SRSF1: variants seen among roughly 807,000 people sequenced by gnomAD.
The protein encoded by SRSF1 is serine and arginine rich splicing factor 1.
Under a neutral mutation model 25.9 loss-of-function variants are expected in SRSF1, and 1 was observed. That is an observed-to-expected ratio of 0.04 (90% CI 0.01 to 0.18). SRSF1 has a LOEUF of 0.18. Among genes scored for constraint, SRSF1 ranks in the 10% least tolerant of loss-of-function variants. SRSF1 has a pLI of 1.00. For synonymous variants in SRSF1, 132 were observed against 126.2 expected (o/e 1.05, Z -0.31); for missense variants, 65 against 350.5 (o/e 0.19, Z 6.50).
rs916383308 is a variant in SRSF1, at chr17:58,006,440, T to C, written c.282A>G (p.Gly94=). The change falls in exon 2 of 4, where the codon GGA becomes GGG. Residue 94 remains glycine, a synonymous_variant. Coordinates refer to ENST00000258962, the MANE Select transcript of SRSF1 (RefSeq NM_006924.5). The part of the protein sequence containing the change: ...LRVEFPRSGR[G]TGRGGGGGGG... ...CACCCCCGCCGCCGCCTCGGCCTGT[T>C]CCACGGCCGCTTCGAGGAAACTCCA... The C allele has an allele frequency of 8.9e-5, 143 of 1,613,134 alleles. No individual in the cohort carries two copies. Among genetic ancestry groups the C allele is most frequent in the Non-Finnish European group, 1.1e-4 (134 of 1,180,022 alleles).
downstream of SRSF1, among the ~76,000 whole-genome samples, chr17:57,998,366 T>C (rs1598057147): frequency 1.3e-5 from 2 of 152,302 alleles, no homozygotes; most frequent in Middle Eastern, 6.8e-3. Flanking sequence ...TATAATCTTA[T>C]GTATTAAGCC....
chr17:57,998,258 T>C (rs570345965), downstream of SRSF1, among the ~76,000 whole-genome samples: 2 of 152,298 alleles, frequency 1.3e-5, no homozygotes, highest in South Asian at 2.1e-4. Context: ...TGTTATTTTA[T>C]AGTTCAAATT....
At chr17:57,995,966 C>A (rs990043127), downstream of SRSF1, among the ~76,000 whole-genome samples, 1 of 152,082 alleles carries the variant, frequency 6.6e-6, no homozygotes, top group Non-Finnish European at 1.5e-5. Context: ...CAGAGCAAGA[C>A]CCTGTCTCTA....
chr17:57,999,354 G>A (rs1567746426), downstream of SRSF1, among the ~76,000 whole-genome samples: 1 of 152,064 alleles, frequency 6.6e-6, no homozygotes, highest in East Asian at 1.9e-4. Flanking sequence ...CACATTCATG[G>A]CCTTATTATT....
In SRSF1 at chr17:58,006,831, GC is replaced by G. The variant is rs1215088933; in HGVS notation, c.194+112del. ...ACTCCTGCATGGGCGATACAGTCTC[GC>G]CCCAACCTCTCTAAGAGCCCCCGCT... On this transcript the variant is annotated intron_variant, in intron 1 of 3. Transcript: ENST00000258962. 15 of 1,307,806 alleles carry G rather than the reference GC, an allele frequency of 1.1e-5. No individual in the cohort carries two copies. In the African/African-American group the frequency reaches 2.1e-4, roughly 18 times the overall value. 81.0% of individuals were successfully genotyped at this position (1,307,806 alleles called of 1,614,324 possible).
In SRSF1 at chr17:58,001,865, T is replaced by C. The variant is rs993716905; in HGVS notation, c.*3541A>G. Among the ~76,000 whole-genome samples, 1 of 152,182 alleles carries C rather than the reference T, an allele frequency of 6.6e-6. No homozygotes were observed. The highest frequency in any genetic ancestry group is 2.4e-5 in the African/African-American group (1 of 41,448). On this transcript the variant is annotated 3_prime_UTR_variant, in exon 4 of 4. Transcript: ENST00000258962. ...ATTAGATCCTCTCTAATCTTCAAAT[T>C]CAGCCTGTATAACAAGGAATACTGT...
Position 58,007,216 on chromosome 17 carries a change from A to C in SRSF1, c.-79T>G. 1.3e-6 allele frequency: 2 copies of C among 1,543,006 alleles called. No homozygotes were observed. The highest frequency in any genetic ancestry group is 1.8e-6 in the Non-Finnish European group (2 of 1,132,220). On this transcript the variant is annotated 5_prime_UTR_variant, in exon 1 of 4. Coordinates refer to ENST00000258962, the MANE Select transcript of SRSF1 (RefSeq NM_006924.5). ...CACGGCAGAGCGAGCCCGCAGCGGC[A>C]CCACGTCTCCCGCGGCCCCTCCAAA...
downstream of SRSF1, among the ~76,000 whole-genome samples, chr17:58,000,461 G>A (rs961319241): frequency 2.0e-5 from 3 of 152,068 alleles, no homozygotes; most frequent in Non-Finnish European, 4.4e-5. Flanking sequence ...TTTAAGTACT[G>A]ATACAGAAAC....
chr17:58,006,541 G>A lies in SRSF1; in HGVS notation c.195-14C>T, dbSNP rs751454346. ...TCTTCCGCGTCTCTGCGGGATCGCAGAAAGTAAAAGGGATGAGAAACACCA... is the reference window on the plus strand; with the variant it reads ...TCTTCCGCGTCTCTGCGGGATCGCAAAAAGTAAAAGGGATGAGAAACACCA... On this transcript the variant is annotated splice_polypyrimidine_tract_variant and intron_variant, in intron 1 of 3. Transcript: ENST00000258962. 3.1e-6 allele frequency: 5 copies of A among 1,605,868 alleles called. No homozygotes were observed. The highest frequency in any genetic ancestry group is 2.7e-5 in the African/African-American group (2 of 74,690).
the SRSF1 span, chr17:57,989,701 C>T: frequency 2.5e-6 from 1 of 398,636 alleles, no homozygotes; most frequent in Non-Finnish European, 4.4e-6. Context: ...AGCTGATTCC[C>T]CATTGGATAC....
chr17:57,997,826 A>C (rs2075370806), downstream of SRSF1, among the ~76,000 whole-genome samples: 1 of 152,172 alleles, frequency 6.6e-6, no homozygotes, highest in African/African-American at 2.4e-5. Flanking sequence ...CCTTGCTGCA[A>C]ATTTACTATT....
the SRSF1 span, chr17:57,989,779 ATCAGGGAACCGG>A: frequency 2.5e-6 from 1 of 398,676 alleles, no homozygotes; most frequent in East Asian, 3.6e-5. Flanking sequence ...CAGGTAACAC[ATCAGGGAACCGG>A]TCAGCCTAAG....
chr17:58,005,159 A>C lies in SRSF1; in HGVS notation c.*247T>G. 1.8e-6 allele frequency: 1 copy of C among 557,034 alleles called. No homozygotes were observed. 34.5% of individuals were successfully genotyped at this position (557,034 alleles called of 1,614,324 possible). On this transcript the variant is annotated 3_prime_UTR_variant, in exon 4 of 4. Coordinates refer to ENST00000258962, the MANE Select transcript of SRSF1 (RefSeq NM_006924.5). This position sits in a 1 kb window ranked among gnomAD's most constrained non-coding sequence, Gnocchi z 5.2. Reference sequence around the variant, plus strand: ...CAGGGCAGATAGACATTTACACAATATCACAGTCTGAAGAGTATGGAGTTA... The same window carrying C: ...CAGGGCAGATAGACATTTACACAATCTCACAGTCTGAAGAGTATGGAGTTA...
intron 1 of SRSF1, 77 bp from the exon 2 acceptor site, chr17:58,006,604 C>G: frequency 6.8e-7 from 1 of 1,468,466 alleles, no homozygotes; most frequent in South Asian, 1.3e-5. Context: ...CAGCAAACCC[C>G]CCGCACATGC....
chr17:58,006,709 C>T (rs1433756171), intron 1 of SRSF1, 182 bp from the exon 2 acceptor site: 1 of 894,136 alleles, frequency 1.1e-6, no homozygotes, highest in Non-Finnish European at 1.7e-6. Context: ...TACACCAGCC[C>T]TCAGCGCCTC....
chr17:58,005,156 AAT>A lies in SRSF1; in HGVS notation c.*248_*249del. 1.8e-6 allele frequency: 1 copy of A among 549,488 alleles called. No homozygotes were observed. The highest frequency in any genetic ancestry group is 3.2e-6 in the Non-Finnish European group (1 of 313,076). 34.0% of individuals were successfully genotyped at this position (549,488 alleles called of 1,614,324 possible). ...AACCAGGGCAGATAGACATTTACACAATATCACAGTCTGAAGAGTATGGAGTT... is the reference window on the plus strand; with the variant it reads ...AACCAGGGCAGATAGACATTTACACAATCACAGTCTGAAGAGTATGGAGTT... On this transcript the variant is annotated 3_prime_UTR_variant, in exon 4 of 4. Coordinates refer to ENST00000258962, the MANE Select transcript of SRSF1 (RefSeq NM_006924.5). This position sits in a 1 kb window ranked among gnomAD's most constrained non-coding sequence, Gnocchi z 5.2.
chr17:58,006,573 G>A (rs2233911), intron 1 of SRSF1, 46 bp from the exon 2 acceptor site: 1,015,379 of 1,556,788 alleles, frequency 0.65, 341,823 homozygotes, highest in East Asian at 0.74. Context: ...ACCAGGAGGA[G>A]AAGCTCGCTC....
At chr17:57,996,483 TAAAA>T (rs10677825), downstream of SRSF1, among the ~76,000 whole-genome samples, 8 of 72,386 alleles carry the variant, frequency 1.1e-4, no homozygotes, top group African/African-American at 3.4e-4. Flanking sequence ...GACACTGTCT[TAAAA>T]AAAAAAAAAA....
Position 58,007,075 on chromosome 17 carries a change from A to C in SRSF1, c.63T>G (p.Gly21=). Residue 21 remains glycine (G), a synonymous_variant, in exon 1 of 4, where the codon GGT becomes GGG. Transcript: ENST00000258962. The part of the protein sequence containing the change: ...AGNNDCRIYV[G]NLPPDIRTKD... ...TGGTTCGGATGTCTGGAGGTAAGTT[A>C]CCCACGTAGATGCGGCAATCGTTGT... 1 of 1,614,170 alleles carries C rather than the reference A, an allele frequency of 6.2e-7. No individual in the cohort carries two copies. The highest frequency in any genetic ancestry group is 8.5e-7 in the Non-Finnish European group (1 of 1,180,048).
Sources: allele counts gnomAD v4.1 joint callset (sites outside exome capture counted in the v4.1 genomes callset), GRCh38; gene constraint gnomAD v4.1.1; non-coding constraint Gnocchi (gnomAD v3.1); transcripts MANE v1.5; gene names NCBI Gene and HGNC (gene_info 2026-07-23, HGNC 2026-07-21).